TMPRSS15: variants seen among roughly 807,000 people sequenced by gnomAD.
TMPRSS15 encodes the protein enteropeptidase.
A neutral mutation model predicts 125.3 loss-of-function variants in TMPRSS15; 128 were observed. The observed-to-expected ratio is 1.02, with a 90% CI of 0.89 to 1.18. The LOEUF (loss-of-function observed/expected upper bound fraction) is 1.18. TMPRSS15 is among the 50% of genes most tolerant of loss of function. TMPRSS15 has a pLI of 0.00. For synonymous variants in TMPRSS15, 446 were observed against 423.2 expected, an observed-to-expected ratio of 1.05 and a Z score of -0.66; for missense variants, 1,283 against 1,212.7, an observed-to-expected ratio of 1.06 and a Z score of -0.86.
intron 8 of TMPRSS15, among the ~76,000 whole-genome samples, chr21:18,358,866 TG>T (rs2075651713): frequency 1.3e-5 from 2 of 152,104 alleles, no homozygotes; most frequent in South Asian, 4.1e-4. Flanking sequence ...TCATTAAATC[TG>T]TAAAAAATTA....
chr21:18,419,512 A>G (rs895360282), intron 1 of TMPRSS15, among the ~76,000 whole-genome samples: 2 of 152,090 alleles, frequency 1.3e-5, no homozygotes, highest in African/African-American at 2.4e-5. Flanking sequence ...GATGTGAGCC[A>G]GTGTACCCGG....
rs185445560 is a variant in TMPRSS15 at position 18,418,166 on chromosome 21, T to G, written c.11-19837A>C. ...TGTCTCTTCCAAACAGGCTCTCTCCTATGGTTTCATTTCACCCATTAGATA... is the reference window on the plus strand; with the variant it reads ...TGTCTCTTCCAAACAGGCTCTCTCCGATGGTTTCATTTCACCCATTAGATA... On this transcript the variant is annotated intron_variant, in intron 1 of 7. Coordinates refer to the TMPRSS15 transcript ENST00000422787. Among the ~76,000 whole-genome samples the G allele has an allele frequency of 6.8e-4, 103 of 152,358 alleles. 1 individual carries two copies. The East Asian group carries it at 0.019, about 29-fold the overall frequency.
intron 1 of TMPRSS15, among the ~76,000 whole-genome samples, chr21:18,464,097 C>T (rs2122954349): frequency 3.7e-4 from 54 of 144,034 alleles, no homozygotes; most frequent in Non-Finnish European, 6.0e-4. Flanking sequence ...GGCATGAACC[C>T]GGGAGGCAGA....
chr21:18,476,468 T>G (rs1375089500), intron 1 of TMPRSS15, among the ~76,000 whole-genome samples: 1 of 151,604 alleles, frequency 6.6e-6, no homozygotes, highest in Non-Finnish European at 1.5e-5. Flanking sequence ...TTTTGGGGGG[T>G]TTTTGCAATC....
At chr21:18,297,030 A>T (rs577775119) in intron 19 of TMPRSS15, among the ~76,000 whole-genome samples, 9 of 152,328 alleles carry the variant, frequency 5.9e-5, no homozygotes, top group Non-Finnish European at 1.2e-4. Flanking sequence ...GGCTTCTTGC[A>T]GTTACATTCT....
Position 18,281,137 on chromosome 21 carries a change from T to C in TMPRSS15, c.2571A>G (p.Arg857=). ...GGTTTATGACAATTTCATCTATTAA[T>C]CGAGGGACTGTTTGAGGAGAGGTCA... ...SNLTSPQTVP[R]LIDEIVINPH... The change falls in exon 22 of 25, where the codon CGA becomes CGG. Residue 857 remains arginine, a synonymous_variant. Transcript: ENST00000284885. 1 of 1,614,110 alleles carries C rather than the reference T, an allele frequency of 6.2e-7. No individual in the cohort carries two copies. The highest frequency in any genetic ancestry group is 1.7e-4 in the Middle Eastern group (1 of 6,060).
chr21:18,409,393 T>G (rs574802127), intron 1 of TMPRSS15, among the ~76,000 whole-genome samples: 1 of 152,190 alleles, frequency 6.6e-6, no homozygotes, highest in Non-Finnish European at 1.5e-5. Flanking sequence ...TATTAAAGCT[T>G]CAAATCTTTT....
intron 3 of TMPRSS15, among the ~76,000 whole-genome samples, chr21:18,384,723 G>T (rs1369978365): frequency 1.3e-5 from 2 of 152,066 alleles, no homozygotes; most frequent in African/African-American, 4.8e-5. Flanking sequence ...ATACTTGGCT[G>T]CTTAAGACAC....
intron 10 of TMPRSS15, among the ~76,000 whole-genome samples, chr21:18,350,716 T>G (rs976358481): frequency 6.6e-6 from 1 of 151,954 alleles, no homozygotes; most frequent in Non-Finnish European, 1.5e-5. Flanking sequence ...CCAAAGTACC[T>G]ATTCACATTT....
In TMPRSS15 at chr21:18,353,843, G is replaced by T. The variant is rs2075598012; in HGVS notation, c.901C>A (p.Pro301Thr). 2 of 1,610,970 alleles carry T rather than the reference G, an allele frequency of 1.2e-6. No homozygotes were observed. The highest frequency in any genetic ancestry group is 3.3e-5 in the Admixed American group (2 of 59,848). ...ILRASIWETN[P>T]GTIRIFSNQV... ...TTGGAAAAAATTCTTATTGTGCCAG[G>T]ATTAGTTTCCCAAATAGAAGCTACA... The change falls in exon 9 of 25, where the codon CCT (proline) becomes ACT (threonine). Residue 301 changes from proline (P) to threonine (T), a missense_variant. Pro to Thr is a conservative substitution (Grantham distance 38). Transcript: ENST00000284885.
chr21:18,374,527 C>T (rs976448254), intron 5 of TMPRSS15, among the ~76,000 whole-genome samples: 4 of 124,964 alleles, frequency 3.2e-5, no homozygotes, highest in Non-Finnish European at 6.7e-5. Flanking sequence ...ATATGAGAAA[C>T]AGATGAGTCT....
chr21:18,472,480 TACACACACACAC>T (rs61425148), intron 1 of TMPRSS15, among the ~76,000 whole-genome samples: 1 of 112,328 alleles, frequency 8.9e-6, no homozygotes, highest in African/African-American at 3.1e-5. Context: ...TATATATATA[TACACACACACAC>T]ACATACACAC....
chr21:18,322,798 T>C (rs1253702127), intron 16 of TMPRSS15, among the ~76,000 whole-genome samples: 1 of 152,124 alleles, frequency 6.6e-6, no homozygotes, highest in Non-Finnish European at 1.5e-5. Flanking sequence ...GAATAAGATC[T>C]AGTGTTTGGT....
Position 18,379,315 on chromosome 21 carries a change from T to TC in TMPRSS15, c.499_500insG (p.Lys167ArgfsTer27). ...TGCCAGATGACTGGTGGTTGTTAGC[T>TC]TGTCTGAAAAATAAATTATATTAAA... On this transcript the variant is annotated frameshift_variant, in exon 5 of 25. Coordinates refer to ENST00000284885, the MANE Select transcript of TMPRSS15 (RefSeq NM_002772.3). LOFTEE classifies it high-confidence loss of function. 1 of 1,315,252 alleles carries TC rather than the reference T, an allele frequency of 7.6e-7. No homozygotes were observed. The highest frequency in any genetic ancestry group is 1.0e-6 in the Non-Finnish European group (1 of 999,254). 81.5% of individuals were successfully genotyped at this position (1,315,252 alleles called of 1,614,324 possible).
intron 6 of TMPRSS15, among the ~76,000 whole-genome samples, chr21:18,371,241 A>T (rs2075789027): frequency 6.6e-6 from 1 of 152,160 alleles, no homozygotes; most frequent in Non-Finnish European, 1.5e-5. Context: ...ACTCAGAATG[A>T]TGTGCAATTT....
chr21:18,279,108 A>G (rs771336869), intron 22 of TMPRSS15, 49 bp from the exon 23 acceptor site: 2 of 982,144 alleles, frequency 2.0e-6, no homozygotes, highest in Non-Finnish European at 3.2e-6. Context: ...AAAAAGAAAG[A>G]ACAGATTTAC....
At chr21:18,416,131 C>T (rs971175381) in intron 1 of TMPRSS15, among the ~76,000 whole-genome samples, 4 of 151,524 alleles carry the variant, frequency 2.6e-5, no homozygotes, top group African/African-American at 4.8e-5. Context: ...ACATTGATGA[C>T]GGAAATTAAA....
chr21:18,314,310 C>T (rs1453891632), intron 17 of TMPRSS15, among the ~76,000 whole-genome samples: 1 of 152,074 alleles, frequency 6.6e-6, no homozygotes, highest in Non-Finnish European at 1.5e-5. Flanking sequence ...TGGAGTTTCG[C>T]TCTTGTAACA....
intron 6 of TMPRSS15, among the ~76,000 whole-genome samples, chr21:18,369,155 A>G (rs771024518): frequency 7.2e-5 from 11 of 152,186 alleles, no homozygotes; most frequent in Non-Finnish European, 1.5e-4. Flanking sequence ...CGATTGCACT[A>G]TCAGAAATGT....
Sources: allele counts gnomAD v4.1 joint callset (sites outside exome capture counted in the v4.1 genomes callset), GRCh38; gene constraint gnomAD v4.1.1; transcripts MANE v1.5; gene names NCBI Gene and HGNC (gene_info 2026-07-23, HGNC 2026-07-21).